The following CSMD1 variants were observed in gnomAD, a reference collection of about 807,000 sequenced individuals.
CSMD1 encodes CUB and sushi domain-containing protein 1.
Under a neutral mutation model 417.5 loss-of-function variants are expected in CSMD1, and 213 were observed. The observed-to-expected ratio is 0.51, with a 90% CI of 0.46 to 0.57. The LOEUF (loss-of-function observed/expected upper bound fraction) is 0.57, where lower values mean the gene tolerates loss of function less well. Among genes scored for constraint, CSMD1 ranks in the 20% least tolerant of loss-of-function variants. The probability of loss-of-function intolerance (pLI) is 0.00; values close to 1 mark genes in which losing one functional copy is unlikely to be tolerated. For synonymous variants in CSMD1, 2,862 were observed against 1,736.8 expected (o/e 1.65, Z -16.11); for missense variants, 6,923 against 4,529.7 (o/e 1.53, Z -15.17).
chr8:4,095,411 T>A (rs1029609127), intron 3 of CSMD1, among the ~76,000 whole-genome samples: 1 of 149,200 alleles, frequency 6.7e-6, no homozygotes, highest in African/African-American at 2.5e-5. Context: ...GAAAAAAAAA[T>A]GACAATAGTG....
intron 3 of CSMD1, among the ~76,000 whole-genome samples, chr8:4,312,989 G>C (rs1798715792): frequency 1.3e-5 from 2 of 152,160 alleles, no homozygotes; most frequent in South Asian, 4.1e-4. Flanking sequence ...GTTTTGCGGG[G>C]AAATGAAGAT....
chr8:3,650,781 G>C (rs993241964), intron 7 of CSMD1, among the ~76,000 whole-genome samples: 1 of 152,140 alleles, frequency 6.6e-6, no homozygotes, highest in Admixed American at 6.5e-5. Flanking sequence ...TTTCTAAAGA[G>C]TTTCCACCCC....
intron 2 of CSMD1, among the ~76,000 whole-genome samples, chr8:4,490,762 C>G (rs1801657502): frequency 6.6e-6 from 1 of 152,194 alleles, no homozygotes; most frequent in African/African-American, 2.4e-5. Flanking sequence ...AGATTGTGCA[C>G]TAGCTCCACT....
At chr8:4,416,011 T>G (rs1796917347) in intron 3 of CSMD1, among the ~76,000 whole-genome samples, 1 of 152,196 alleles carries the variant, frequency 6.6e-6, no homozygotes, top group South Asian at 2.1e-4. Flanking sequence ...TACGTGATAA[T>G]AATAGATCAC....
intron 6 of CSMD1, among the ~76,000 whole-genome samples, chr8:3,726,774 G>T (rs371243924): frequency 6.6e-6 from 1 of 152,252 alleles, no homozygotes; most frequent in African/African-American, 2.4e-5. Flanking sequence ...CTTATTCTTA[G>T]CATGCCCTCT....
intron 5 of CSMD1, among the ~76,000 whole-genome samples, chr8:3,905,922 T>A (rs1808077145): frequency 6.6e-6 from 1 of 152,222 alleles, no homozygotes; most frequent in Non-Finnish European, 1.5e-5. Context: ...TGGGCCAATT[T>A]ATAACCATGT....
intron 3 of CSMD1, among the ~76,000 whole-genome samples, chr8:4,281,878 A>G (rs925133660): frequency 6.6e-6 from 1 of 152,214 alleles, no homozygotes; most frequent in South Asian, 2.1e-4. Context: ...ATGTTTTGCA[A>G]ATGACAAGGC....
intron 3 of CSMD1, among the ~76,000 whole-genome samples, chr8:4,185,303 T>C (rs747391104): frequency 3.3e-5 from 5 of 152,116 alleles, no homozygotes. Context: ...TCTTTTTGTT[T>C]TAGGGACCCT....
intron 5 of CSMD1, among the ~76,000 whole-genome samples, chr8:3,911,855 C>T (rs1397895234): frequency 6.6e-6 from 1 of 152,162 alleles, no homozygotes. Flanking sequence ...AAAGATTCTC[C>T]TTCCCATCTG....
At chr8:3,988,827 T>G (rs1398912634) in intron 5 of CSMD1, among the ~76,000 whole-genome samples, 2 of 152,202 alleles carry the variant, frequency 1.3e-5, no homozygotes, top group Non-Finnish European at 2.9e-5. Context: ...GGTCATCATT[T>G]AGGTCCTATT....
chr8:4,452,255 A>G (rs1799189795), intron 2 of CSMD1, among the ~76,000 whole-genome samples: 1 of 152,164 alleles, frequency 6.6e-6, no homozygotes, highest in African/African-American at 2.4e-5. Flanking sequence ...TGAACGCCTC[A>G]GCTCCTCCTT....
At chr8:3,743,231 A>G (rs1796902229) in intron 6 of CSMD1, among the ~76,000 whole-genome samples, 1 of 152,102 alleles carries the variant, frequency 6.6e-6, no homozygotes. Flanking sequence ...TTGTGGTTTT[A>G]TTTTGCTCAG....
chr8:4,295,802 T>TG (rs1797650998), intron 3 of CSMD1, among the ~76,000 whole-genome samples: 1 of 135,704 alleles, frequency 7.4e-6, no homozygotes, highest in African/African-American at 2.6e-5. Context: ...ACACACATCT[T>TG]GAGAGAAAAT....
intron 3 of CSMD1, among the ~76,000 whole-genome samples, chr8:4,343,623 A>C (rs1800608289): frequency 6.6e-6 from 1 of 152,088 alleles, no homozygotes; most frequent in African/African-American, 2.4e-5. Flanking sequence ...AAAGCAGACT[A>C]TGTGCACTAG....
intron 1 of CSMD1, among the ~76,000 whole-genome samples, chr8:4,814,105 T>C (rs528994453): frequency 6.6e-6 from 1 of 152,346 alleles, no homozygotes; most frequent in Admixed American, 6.5e-5. Flanking sequence ...TTTAATCCCA[T>C]ATATTACGGC....
At chr8:4,044,031 A>T (rs904869907) in intron 3 of CSMD1, among the ~76,000 whole-genome samples, 3 of 139,090 alleles carry the variant, frequency 2.2e-5, no homozygotes, top group African/African-American at 8.2e-5. Flanking sequence ...TTAATTAAAA[A>T]AAAACGCTGA....
intron 3 of CSMD1, among the ~76,000 whole-genome samples, chr8:4,241,749 G>C (rs372646663): frequency 6.6e-6 from 1 of 150,554 alleles, no homozygotes; most frequent in Non-Finnish European, 1.5e-5. Flanking sequence ...TGTCGCCCAG[G>C]CTGGAGTGCA....
intron 50 of CSMD1, among the ~76,000 whole-genome samples, chr8:3,040,297 T>G (rs7000511): frequency 6.6e-6 from 1 of 151,540 alleles, no homozygotes; most frequent in Non-Finnish European, 1.5e-5. Context: ...AAGTAATATA[T>G]AGCTTGGAGA....
At chr8:4,872,366 G>A (rs1201481347) in intron 1 of CSMD1, among the ~76,000 whole-genome samples, 2 of 152,066 alleles carry the variant, frequency 1.3e-5, no homozygotes, top group Non-Finnish European at 2.9e-5. Context: ...ACAGGTGGAG[G>A]TAATTGAATC....
Sources: allele counts gnomAD v4.1 joint callset (sites outside exome capture counted in the v4.1 genomes callset), GRCh38; gene constraint gnomAD v4.1.1; transcripts MANE v1.5; gene names NCBI Gene and HGNC (gene_info 2026-07-23, HGNC 2026-07-21).